The following NEGR1 variants were observed in gnomAD, a reference collection of about 807,000 sequenced individuals.
NEGR1 encodes the protein neuronal growth regulator 1.
A neutral mutation model predicts 40.9 loss-of-function variants in NEGR1; 10 were observed. That is an observed-to-expected ratio of 0.24 (90% CI 0.15 to 0.42). NEGR1 has a LOEUF of 0.42. Among genes scored for constraint, NEGR1 ranks in the 10% least tolerant of loss-of-function variants. NEGR1 has a pLI of 1.00. For synonymous variants in NEGR1, 185 were observed against 166.8 expected, an observed-to-expected ratio of 1.11 and a Z score of -0.84; for missense variants, 352 against 438.9, an observed-to-expected ratio of 0.80 and a Z score of 1.77.
chr1:72,265,811 T>C (rs913473479), intron 1 of NEGR1, among the ~76,000 whole-genome samples: 13 of 150,908 alleles, frequency 8.6e-5, no homozygotes, highest in African/African-American at 3.1e-4. Flanking sequence ...CATAACAGAA[T>C]ATTCAAAATA....
chr1:72,260,802 T>C (rs931623200), intron 1 of NEGR1, among the ~76,000 whole-genome samples: 4 of 152,104 alleles, frequency 2.6e-5, no homozygotes, highest in Non-Finnish European at 5.9e-5. Context: ...AACCAAATTC[T>C]TAAAAGCTGA....
intron 6 of NEGR1, among the ~76,000 whole-genome samples, chr1:71,550,256 C>T (rs1648032991): frequency 6.6e-6 from 1 of 151,508 alleles, no homozygotes. Flanking sequence ...TATTGATATA[C>T]CTTCCCAGCC....
At chr1:71,945,496 A>G (rs956398910) in intron 1 of NEGR1, among the ~76,000 whole-genome samples, 1 of 152,178 alleles carries the variant, frequency 6.6e-6, no homozygotes, top group Non-Finnish European at 1.5e-5. Flanking sequence ...TTATTTTTCT[A>G]TACTGTCAGA....
chr1:71,465,618 A>G (rs1252936505), intron 6 of NEGR1, among the ~76,000 whole-genome samples: 1 of 152,062 alleles, frequency 6.6e-6, no homozygotes, highest in Non-Finnish European at 1.5e-5. Context: ...AACTTAGTAT[A>G]ATAGACCTTT....
At chr1:71,480,967 G>T (rs1018142821) in intron 6 of NEGR1, among the ~76,000 whole-genome samples, 3 of 151,830 alleles carry the variant, frequency 2.0e-5, no homozygotes, top group African/African-American at 4.8e-5. Context: ...CATCCAAATT[G>T]TAGTCTGATT....
rs956969739 is a variant in NEGR1 at position 71,663,469 on chromosome 1, C to T, written c.667+34539G>A. Among the ~76,000 whole-genome samples, 4 of 152,050 alleles carry T rather than the reference C, an allele frequency of 2.6e-5. No homozygotes were observed. In the East Asian group the frequency reaches 7.7e-4, roughly 29 times the overall value. ...CTTTGCAATTTTATGAATAGATATT[C>T]TTAATTACAAAAGAAAAAATGTGTT... On this transcript the variant is annotated intron_variant, in intron 4 of 6. Coordinates refer to ENST00000357731, the MANE Select transcript of NEGR1 (RefSeq NM_173808.3).
chr1:71,592,565 T>C (rs1649536181), intron 6 of NEGR1, among the ~76,000 whole-genome samples: 2 of 152,224 alleles, frequency 1.3e-5, no homozygotes, highest in African/African-American at 4.8e-5. Context: ...ATTATTTATG[T>C]ATTTTTTCCT....
chr1:71,819,690 A>G (rs534295236), intron 2 of NEGR1, among the ~76,000 whole-genome samples: 4 of 152,150 alleles, frequency 2.6e-5, no homozygotes, highest in Admixed American at 1.3e-4. Context: ...TCATATGCAT[A>G]TCTTATTCTA....
intron 5 of NEGR1, among the ~76,000 whole-genome samples, chr1:71,594,767 G>GT (rs1194185782): frequency 6.6e-6 from 1 of 152,100 alleles, no homozygotes; most frequent in Non-Finnish European, 1.5e-5. Flanking sequence ...TAACTAATCC[G>GT]TATATATGCT....
In NEGR1 at chr1:71,407,725, T is replaced by G. The variant is rs1390324655; in HGVS notation, c.941-155A>C. On this transcript the variant is annotated intron_variant, in intron 6 of 6. Transcript: ENST00000357731. Reference sequence around the variant, plus strand: ...TCTGATTCTGCTATATGACAACGTGTGGGCTATGTGGCTAACTTCTCAGAG... The same window carrying G: ...TCTGATTCTGCTATATGACAACGTGGGGGCTATGTGGCTAACTTCTCAGAG... The G allele has an allele frequency of 4.9e-6, 3 of 615,704 alleles. No homozygotes were observed. In the African/African-American group the frequency reaches 5.6e-5, roughly 12 times the overall value. 38.1% of individuals were successfully genotyped at this position (615,704 alleles called of 1,614,324 possible).
rs145882460 is a variant in NEGR1 at position 71,954,279 on chromosome 1, T to C, written c.177-18968A>G. 8.8e-4 allele frequency among the ~76,000 whole-genome samples: 134 copies of C among 152,074 alleles called. No individual in the cohort carries two copies. The Middle Eastern group carries it at 0.02, about 23-fold the overall frequency. ...ATAGAGTGTATGAAAGAAGTGGGGA[T>C]GAAAAGTTCCATAATTCGCTTGGAG... On this transcript the variant is annotated intron_variant, in intron 1 of 6. Transcript: ENST00000357731.
chr1:71,899,728 ACT>A (rs1170938441), intron 2 of NEGR1, among the ~76,000 whole-genome samples: 1 of 151,952 alleles, frequency 6.6e-6, no homozygotes, highest in African/African-American at 2.4e-5. Flanking sequence ...GTTGGGAATG[ACT>A]CTGTTTTTAT....
At chr1:71,780,040 CAAAAAAA>C (rs57576840) in intron 2 of NEGR1, among the ~76,000 whole-genome samples, 2 of 99,734 alleles carry the variant, frequency 2.0e-5, no homozygotes, top group African/African-American at 4.7e-5. Context: ...ATAGGAAAAC[CAAAAAAA>C]AAAAAAAAAA....
intron 2 of NEGR1, among the ~76,000 whole-genome samples, chr1:71,882,421 T>A (rs1315981567): frequency 6.6e-6 from 1 of 152,088 alleles, no homozygotes; most frequent in African/African-American, 2.4e-5. Flanking sequence ...TAATGGGAAC[T>A]GCCCACGTGG....
chr1:71,484,966 A>G (rs1328516895), intron 6 of NEGR1: 2 of 151,752 alleles, frequency 1.3e-5, no homozygotes, highest in Non-Finnish European at 2.9e-5. Flanking sequence ...ACTGAATAGA[A>G]TATAATAAAC....
intron 2 of NEGR1, among the ~76,000 whole-genome samples, chr1:71,799,067 T>C (rs190141411): frequency 3.3e-5 from 5 of 151,884 alleles, no homozygotes; most frequent in Non-Finnish European, 7.4e-5. Flanking sequence ...TTTATTATAC[T>C]AAGTTCTGGG....
intron 1 of NEGR1, among the ~76,000 whole-genome samples, chr1:72,105,312 C>T (rs1649094174): frequency 6.6e-6 from 1 of 152,054 alleles, no homozygotes; most frequent in Admixed American, 6.6e-5. Context: ...TCTTCCTTCA[C>T]ACTTCAGTAG....
intron 1 of NEGR1, among the ~76,000 whole-genome samples, chr1:72,111,046 C>T (rs1569981704): frequency 6.7e-6 from 1 of 150,326 alleles, no homozygotes; most frequent in African/African-American, 2.4e-5. Flanking sequence ...AAGGTAATTA[C>T]ACTAAATTTT....
intron 6 of NEGR1, among the ~76,000 whole-genome samples, chr1:71,498,648 G>C (rs1646980680): frequency 6.6e-6 from 1 of 152,078 alleles, no homozygotes; most frequent in South Asian, 2.1e-4. Context: ...CAGCTGCTGT[G>C]ACTACCTGCT....
Sources: gnomAD v4.1 joint callset for allele counts (sites outside exome capture counted in the v4.1 genomes callset) on GRCh38, gnomAD v4.1.1 for gene constraint, MANE v1.5 for transcripts, NCBI Gene and HGNC (gene_info 2026-07-23, HGNC 2026-07-21) for gene names.